Variants in PABPC4L observed in about 807,000 individuals in gnomAD.
The protein encoded by PABPC4L is polyadenylate-binding protein 4-like.
For synonymous variants in PABPC4L, 169 were observed against 164.1 expected, an observed-to-expected ratio of 1.03 and a Z score of -0.23; for missense variants, 452 against 451.4, an observed-to-expected ratio of 1.00 and a Z score of -0.01.
chr4:134,087,917 AG>A, the PABPC4L span, among the ~76,000 whole-genome samples: 2 of 152,094 alleles, frequency 1.3e-5, no homozygotes, highest in Admixed American at 6.6e-5. Flanking sequence ...ACCATTCCAC[AG>A]GGAAAAATAG....
the PABPC4L span, among the ~76,000 whole-genome samples, chr4:134,140,810 AG>A: frequency 2.0e-5 from 3 of 151,774 alleles, no homozygotes; most frequent in African/African-American, 7.2e-5. Context: ...TGCACTTGCA[AG>A]GTGACTGGAT....
chr4:133,975,864 A>G, the PABPC4L span, among the ~76,000 whole-genome samples: 1 of 152,302 alleles, frequency 6.6e-6, no homozygotes, highest in Admixed American at 6.5e-5. Context: ...AAAATATAAG[A>G]GCATTTGTAA....
At chr4:134,037,533 T>C in the PABPC4L span, among the ~76,000 whole-genome samples, 1 of 152,156 alleles carries the variant, frequency 6.6e-6, no homozygotes, top group African/African-American at 2.4e-5. Context: ...TAGATGATAC[T>C]CTCTTGATCT....
the PABPC4L span, among the ~76,000 whole-genome samples, chr4:134,131,273 A>T: frequency 6.6e-6 from 1 of 152,016 alleles, no homozygotes; most frequent in Non-Finnish European, 1.5e-5. Flanking sequence ...TGCTGATGAC[A>T]TGATCATATA....
the PABPC4L span, among the ~76,000 whole-genome samples, chr4:134,151,982 C>T: frequency 2.0e-5 from 3 of 151,720 alleles, no homozygotes; most frequent in African/African-American, 4.8e-5. Context: ...CATTTTATGT[C>T]CATATCAATT....
chr4:134,192,153 T>C (rs965417137), downstream of PABPC4L, among the ~76,000 whole-genome samples: 1 of 152,120 alleles, frequency 6.6e-6, no homozygotes, highest in Non-Finnish European at 1.5e-5. Context: ...AAACAAAATG[T>C]GGTGTATTCA....
rs995356419 is a variant in PABPC4L at position 134,198,913 on chromosome 4, T to G, written c.*994A>C. The G allele has an allele frequency of 1.3e-5, 2 of 151,984 alleles. No individual in the cohort carries two copies. The highest frequency in any genetic ancestry group is 6.6e-5 in the Admixed American group (1 of 15,264). 9.4% of individuals were successfully genotyped at this position (151,984 alleles called of 1,614,324 possible). On this transcript the variant is annotated 3_prime_UTR_variant, in exon 2 of 2. Transcript: ENST00000421491. ...CTTAATGGGTTCCATAGCTGCCACA[T>G]TCTAATAAAAGGAGATGTGAGTACA...
the PABPC4L span, among the ~76,000 whole-genome samples, chr4:133,966,772 A>G: frequency 7.2e-5 from 11 of 152,130 alleles, no homozygotes; most frequent in African/African-American, 2.2e-4. Context: ...ACACAAAGAC[A>G]TAAGAATGAT....
the PABPC4L span, among the ~76,000 whole-genome samples, chr4:134,168,527 GTAAC>G: frequency 6.6e-6 from 1 of 151,464 alleles, no homozygotes; most frequent in Non-Finnish European, 1.5e-5. Flanking sequence ...TTTGGTCTGA[GTAAC>G]TACGAAAAAA....
At chr4:134,064,301 A>G in the PABPC4L span, among the ~76,000 whole-genome samples, 6 of 152,032 alleles carry the variant, frequency 3.9e-5, no homozygotes, top group South Asian at 1.2e-3. Flanking sequence ...GAAATTTGAG[A>G]TTTGGGTTTA....
At chr4:134,116,674 A>G in the PABPC4L span, among the ~76,000 whole-genome samples, 3 of 151,772 alleles carry the variant, frequency 2.0e-5, no homozygotes, top group African/African-American at 7.2e-5. Context: ...GAACAGAATA[A>G]TATTACATTA....
chr4:134,068,421 G>A, the PABPC4L span, among the ~76,000 whole-genome samples: 6 of 152,098 alleles, frequency 3.9e-5, no homozygotes, highest in African/African-American at 1.4e-4. Flanking sequence ...GTCGTTGCAT[G>A]GGAAACAGGT....
the PABPC4L span, among the ~76,000 whole-genome samples, chr4:134,033,725 C>T: frequency 2.4e-4 from 36 of 152,008 alleles, 1 homozygote; most frequent in South Asian, 1.5e-3. Flanking sequence ...CTCTTCAATT[C>T]TATAAGGGGC....
At chr4:134,069,663 T>TATCA in the PABPC4L span, among the ~76,000 whole-genome samples, 1 of 152,210 alleles carries the variant, frequency 6.6e-6, no homozygotes, top group African/African-American at 2.4e-5. Context: ...TTTTCAACTC[T>TATCA]ATCAAATCAG....
At chr4:134,193,800 G>GA (rs1344686748), downstream of PABPC4L, among the ~76,000 whole-genome samples, 1 of 151,412 alleles carries the variant, frequency 6.6e-6, no homozygotes, top group Non-Finnish European at 1.5e-5. Context: ...TAGACTGATA[G>GA]AAAAAAAGGA....
chr4:134,107,334 T>C, the PABPC4L span, among the ~76,000 whole-genome samples: 1 of 151,568 alleles, frequency 6.6e-6, no homozygotes. Context: ...TTTTCTTCAC[T>C]TATATAATAA....
At chr4:134,052,234 G>A in the PABPC4L span, among the ~76,000 whole-genome samples, 1 of 151,882 alleles carries the variant, frequency 6.6e-6, no homozygotes, top group Non-Finnish European at 1.5e-5. Context: ...ATTAAAATAT[G>A]TACAAGTTGT....
chr4:133,992,630 A>G, the PABPC4L span, among the ~76,000 whole-genome samples: 1 of 152,134 alleles, frequency 6.6e-6, no homozygotes, highest in Non-Finnish European at 1.5e-5. Context: ...CGCCCAGGTA[A>G]CAGAGTGGAA....
the PABPC4L span, among the ~76,000 whole-genome samples, chr4:134,144,362 A>G: frequency 1.3e-5 from 2 of 151,578 alleles, no homozygotes; most frequent in African/African-American, 4.8e-5. Flanking sequence ...CAATAGGCAA[A>G]CACATCTATT....
Sources: allele counts gnomAD v4.1 joint callset (sites outside exome capture counted in the v4.1 genomes callset), GRCh38; gene constraint gnomAD v4.1.1; transcripts MANE v1.5; gene names NCBI Gene and HGNC (gene_info 2026-07-23, HGNC 2026-07-21).